The following ACSS3 variants were observed in gnomAD, a reference collection of about 807,000 sequenced individuals.
ACSS3 encodes the protein acyl-CoA synthetase short chain family member 3.
ACSS3 carries 64 observed loss-of-function variants against 84.2 expected under a neutral mutation model. The observed-to-expected ratio is 0.76, with a 90% CI of 0.62 to 0.94. The LOEUF (loss-of-function observed/expected upper bound fraction) is 0.94. Ranked by LOEUF, ACSS3 falls within the 40% of genes least tolerant of loss-of-function variation. ACSS3 has a pLI of 0.00. For missense variants in ACSS3, 815 were observed against 867.6 expected (o/e 0.94, Z 0.76); for synonymous variants, 317 against 310.1 (o/e 1.02, Z -0.23).
At chr12:81,132,437 T>C (rs947860421) in intron 2 of ACSS3, among the ~76,000 whole-genome samples, 4 of 152,200 alleles carry the variant, frequency 2.6e-5, no homozygotes, top group African/African-American at 9.7e-5. Context: ...TAGTATTCTC[T>C]GATGGTAGTT....
intron 9 of ACSS3, among the ~76,000 whole-genome samples, chr12:81,216,500 T>C (rs2032920917): frequency 6.6e-6 from 1 of 152,176 alleles, no homozygotes; most frequent in Non-Finnish European, 1.5e-5. Flanking sequence ...TAATTAACAA[T>C]GATAAACGAA....
intron 13 of ACSS3, among the ~76,000 whole-genome samples, chr12:81,245,993 G>A (rs2033973653): frequency 6.6e-6 from 1 of 152,106 alleles, no homozygotes; most frequent in South Asian, 2.1e-4. Flanking sequence ...ACGTCTACAG[G>A]AACAGTGCCT....
intron 1 of ACSS3, among the ~76,000 whole-genome samples, chr12:81,084,581 T>A (rs146200065): frequency 1.1e-3 from 167 of 150,568 alleles, no homozygotes; most frequent in East Asian, 7.1e-3. Context: ...AGGTGAGAGG[T>A]AGAAGCTTAT....
At chr12:81,234,325 G>A (rs2033559790) in intron 13 of ACSS3, among the ~76,000 whole-genome samples, 1 of 151,306 alleles carries the variant, frequency 6.6e-6, no homozygotes, top group African/African-American at 2.4e-5. Context: ...GTTATATCTA[G>A]TTTGCAGCAA....
At chr12:81,083,493 G>A (rs1443385355) in intron 1 of ACSS3, among the ~76,000 whole-genome samples, 2 of 151,866 alleles carry the variant, frequency 1.3e-5, no homozygotes, top group East Asian at 2.0e-4. Flanking sequence ...AAGTAACTGG[G>A]ATTACAGATG....
chr12:81,079,615 T>C (rs1880844976), intron 1 of ACSS3, among the ~76,000 whole-genome samples: 1 of 152,176 alleles, frequency 6.6e-6, no homozygotes, highest in South Asian at 2.1e-4. Flanking sequence ...ATTTTTTCAA[T>C]AGTATTTGAT....
intron 1 of ACSS3, among the ~76,000 whole-genome samples, chr12:81,106,736 T>C (rs977384580): frequency 2.0e-5 from 3 of 152,142 alleles, no homozygotes; most frequent in African/African-American, 7.2e-5. Context: ...TAGCAGCATA[T>C]GGAGATGGCT....
At chr12:81,121,173 A>C (rs1884561823) in intron 2 of ACSS3, among the ~76,000 whole-genome samples, 1 of 152,166 alleles carries the variant, frequency 6.6e-6, no homozygotes, top group Admixed American at 6.5e-5. Context: ...AGATGTATTG[A>C]TCAAAGAAAC....
At chr12:81,252,705 G>A (rs530027039) in intron 13 of ACSS3, among the ~76,000 whole-genome samples, 4 of 152,018 alleles carry the variant, frequency 2.6e-5, no homozygotes, top group African/African-American at 4.8e-5. Flanking sequence ...TGAACTTAAA[G>A]CAAGCAGTAT....
At chr12:81,188,084 T>C (rs1398008836) in intron 8 of ACSS3, among the ~76,000 whole-genome samples, 1 of 151,992 alleles carries the variant, frequency 6.6e-6, no homozygotes, top group African/African-American at 2.4e-5. Flanking sequence ...TTTAGTATTT[T>C]TTTGAATTTA....
intron 1 of ACSS3, among the ~76,000 whole-genome samples, chr12:81,099,999 A>G (rs550305170): frequency 6.1e-4 from 93 of 152,268 alleles, no homozygotes; most frequent in African/African-American, 2.2e-3. Context: ...TACATGCCCC[A>G]GTCTCACTAA....
intron 13 of ACSS3, among the ~76,000 whole-genome samples, chr12:81,247,292 G>T (rs2034012650): frequency 6.6e-6 from 1 of 151,920 alleles, no homozygotes; most frequent in Admixed American, 6.6e-5. Flanking sequence ...TGAAAATTTT[G>T]TATGCATAGT....
rs2034300188 is a variant in ACSS3 at position 81,256,423 on chromosome 12, G to C, written c.*1501G>C. On this transcript the variant is annotated 3_prime_UTR_variant, in exon 16 of 16. Coordinates refer to ENST00000548058, the MANE Select transcript of ACSS3 (RefSeq NM_024560.4). ...TTATAGGAATGGGCCAGTTAACTAA[G>C]GTAGACAGATGTAGGAAATTAAATA... The C allele has an allele frequency of 6.6e-6, 1 of 152,056 alleles. No individual in the cohort carries two copies. Among genetic ancestry groups the C allele is most frequent in the African/African-American group, 2.4e-5 (1 of 41,484 alleles). 9.4% of individuals were successfully genotyped at this position (152,056 alleles called of 1,614,324 possible).
intron 13 of ACSS3, 70 bp from the exon 14 acceptor site, chr12:81,253,237 A>T: frequency 6.9e-7 from 1 of 1,444,624 alleles, no homozygotes; most frequent in Non-Finnish European, 9.7e-7. Flanking sequence ...ATCTGTATCT[A>T]TATCTATATG....
chr12:81,135,164 A>G, intron 3 of ACSS3, among the ~76,000 whole-genome samples, 160 bp downstream of exon 3: 1 of 151,288 alleles, frequency 6.6e-6, no homozygotes, highest in East Asian at 1.9e-4. Flanking sequence ...ATTAAATATC[A>G]AAAAGACGCC....
intron 8 of ACSS3, among the ~76,000 whole-genome samples, chr12:81,196,386 G>A (rs2031830091): frequency 6.6e-6 from 1 of 152,060 alleles, no homozygotes; most frequent in Non-Finnish European, 1.5e-5. Flanking sequence ...TGTCTCACCA[G>A]TAATTTTTAT....
In ACSS3 at chr12:81,199,193, C is replaced by T. The variant is rs2031985569; in HGVS notation, c.1251-148C>T. 5 of 632,196 alleles carry T rather than the reference C, an allele frequency of 7.9e-6. No individual in the cohort carries two copies. In the East Asian group the frequency reaches 1.5e-4, roughly 19 times the overall value. 39.2% of individuals were successfully genotyped at this position (632,196 alleles called of 1,614,324 possible). ...ACATTTGGGCCCAAACAAGAAATGA[C>T]TCTCATCATTATACAGTGTGATGTA... On this transcript the variant is annotated intron_variant, in intron 8 of 15. Coordinates refer to ENST00000548058, the MANE Select transcript of ACSS3 (RefSeq NM_024560.4).
At chr12:81,189,809 T>G (rs907285155) in intron 8 of ACSS3, among the ~76,000 whole-genome samples, 1 of 152,156 alleles carries the variant, frequency 6.6e-6, no homozygotes, top group Non-Finnish European at 1.5e-5. Context: ...TCATTTTACC[T>G]TTCATACTTA....
chr12:81,160,545 A>C (rs1171149716), intron 7 of ACSS3, among the ~76,000 whole-genome samples: 2 of 152,218 alleles, frequency 1.3e-5, no homozygotes, highest in Middle Eastern at 3.2e-3. Context: ...TAAGCAAATT[A>C]ATTAAACCTC....
Sources: gnomAD v4.1 joint callset for allele counts (sites outside exome capture counted in the v4.1 genomes callset) on GRCh38, gnomAD v4.1.1 for gene constraint, MANE v1.5 for transcripts, NCBI Gene and HGNC (gene_info 2026-07-23, HGNC 2026-07-21) for gene names.